Variants in TBC1D12 observed in about 807,000 individuals in gnomAD.
The protein encoded by TBC1D12 is TBC1 domain family, member 12.
A neutral mutation model predicts 86.7 loss-of-function variants in TBC1D12; 56 were observed. The ratio of observed to expected loss-of-function variants is 0.65; its 90% CI spans 0.52 to 0.81. The LOEUF (loss-of-function observed/expected upper bound fraction) is 0.81. Ranked by LOEUF, TBC1D12 falls within the 30% of genes least tolerant of loss-of-function variation. The pLI is 0.00. For synonymous variants in TBC1D12, 421 were observed against 411.7 expected (o/e 1.02, Z -0.27); for missense variants, 1,023 against 1,038.8 (o/e 0.98, Z 0.21).
In TBC1D12 at chr10:94,402,976, G is replaced by A. The variant is rs765842986; in HGVS notation, c.363G>A (p.Glu121=). The A allele has an allele frequency of 6.3e-7, 1 of 1,576,024 alleles. No homozygotes were observed. The highest frequency in any genetic ancestry group is 8.6e-7 in the Non-Finnish European group (1 of 1,165,740). The change falls in exon 1 of 13, where the codon GAG becomes GAA. Residue 121 remains glutamate (E), a synonymous_variant. Transcript: ENST00000225235. ...CGGGCTCCAAACACCGCGGCGCGGA[G>A]GTGGCTGATGGCCGCGCGCCGCGGC... ...LGSGSKHRGA[E]VADGRAPRHE...
intron 2 of TBC1D12, among the ~76,000 whole-genome samples, chr10:94,456,058 C>G (rs1043896654): frequency 6.6e-6 from 1 of 151,872 alleles, no homozygotes; most frequent in African/African-American, 2.4e-5. Flanking sequence ...TAATTTGTGT[C>G]TTTTTTGTTT....
At chr10:94,511,095 C>CTTTT (rs3053917) in intron 8 of TBC1D12, among the ~76,000 whole-genome samples, 37 of 66,804 alleles carry the variant, frequency 5.5e-4, no homozygotes, top group African/African-American at 1.4e-3. Context: ...GTAAATATTT[C>CTTTT]TTTTTTTTTT....
chr10:94,434,584 G>A (rs2055269752), intron 1 of TBC1D12, among the ~76,000 whole-genome samples: 1 of 151,696 alleles, frequency 6.6e-6, no homozygotes, highest in South Asian at 2.1e-4. Context: ...TCCTGACTGG[G>A]ACATTAGGAT....
At chr10:94,487,022 T>A (rs1183212662) in intron 3 of TBC1D12, among the ~76,000 whole-genome samples, 1 of 152,166 alleles carries the variant, frequency 6.6e-6, no homozygotes, top group Non-Finnish European at 1.5e-5. Flanking sequence ...AATTGTTATA[T>A]CCTCTTGCTG....
At chr10:94,486,702 C>G (rs2056167723) in intron 3 of TBC1D12, among the ~76,000 whole-genome samples, 1 of 151,906 alleles carries the variant, frequency 6.6e-6, no homozygotes, top group South Asian at 2.1e-4. Flanking sequence ...TGTTTTAAGA[C>G]TTGGTTTGTT....
At chr10:94,460,147 G>T (rs546685108) in intron 2 of TBC1D12, among the ~76,000 whole-genome samples, 1 of 152,188 alleles carries the variant, frequency 6.6e-6, no homozygotes, top group East Asian at 1.9e-4. Flanking sequence ...CAGGAGAATC[G>T]CTTGAACCTG....
intron 11 of TBC1D12, among the ~76,000 whole-genome samples, chr10:94,527,955 A>G (rs187303343): frequency 1.3e-5 from 2 of 151,582 alleles, no homozygotes; most frequent in Admixed American, 6.6e-5. Flanking sequence ...TGCCAGTACT[A>G]TTCTGTTTGG....
intron 1 of TBC1D12, among the ~76,000 whole-genome samples, chr10:94,433,094 A>G (rs1002055982): frequency 2.6e-5 from 4 of 152,058 alleles, no homozygotes; most frequent in Non-Finnish European, 5.9e-5. Context: ...AGTCCCAGCT[A>G]CTTGGGAGGC....
chr10:94,530,958 C>T (rs1044619429), intron 11 of TBC1D12, among the ~76,000 whole-genome samples: 1 of 147,786 alleles, frequency 6.8e-6, no homozygotes, highest in East Asian at 2.0e-4. Context: ...CTCCTGGGTT[C>T]GAGCGATTCT....
At chr10:94,512,546 GC>G (rs1241679004) in intron 9 of TBC1D12, among the ~76,000 whole-genome samples, 2 of 152,112 alleles carry the variant, frequency 1.3e-5, no homozygotes, top group African/African-American at 4.8e-5. Flanking sequence ...ATTGTTCTAG[GC>G]ACTTGAAATA....
At chr10:94,525,497 G>A (rs35774063) in intron 11 of TBC1D12, among the ~76,000 whole-genome samples, 54,809 of 151,102 alleles carry the variant, frequency 0.36, 10,553 homozygotes, top group East Asian at 0.7. Flanking sequence ...CCAGCCACTC[G>A]GGAGGCTGAG....
At chr10:94,425,175 G>T (rs2055129972) in intron 1 of TBC1D12, among the ~76,000 whole-genome samples, 1 of 152,172 alleles carries the variant, frequency 6.6e-6, no homozygotes, top group South Asian at 2.1e-4. Context: ...TTCATTTCCG[G>T]GGTTAGTAGA....
intron 11 of TBC1D12, among the ~76,000 whole-genome samples, chr10:94,529,726 C>G (rs1329378731): frequency 6.6e-6 from 1 of 151,952 alleles, no homozygotes; most frequent in African/African-American, 2.4e-5. Context: ...TATTATGGGA[C>G]TGAGATCCAA....
At chr10:94,481,045 C>CTTTT (rs769709070) in intron 3 of TBC1D12, among the ~76,000 whole-genome samples, 2 of 126,974 alleles carry the variant, frequency 1.6e-5, no homozygotes, top group African/African-American at 2.9e-5. Context: ...TGAAAGGAAT[C>CTTTT]TTTTTTTTTT....
At chr10:94,493,247 T>C (rs1258184769) in intron 3 of TBC1D12, 118 bp from the exon 4 acceptor site, 1 of 737,484 alleles carries the variant, frequency 1.4e-6, no homozygotes, top group East Asian at 2.6e-5. Context: ...ACTTCCTTAA[T>C]GTATGAAATG....
intron 1 of TBC1D12, among the ~76,000 whole-genome samples, chr10:94,412,073 G>T (rs367676765): frequency 5.3e-5 from 8 of 152,290 alleles, no homozygotes; most frequent in African/African-American, 1.9e-4. Context: ...TAAAAATGCT[G>T]GTTCTAAAGT....
At position 94,403,206 on chromosome 10, in the gene TBC1D12, C is replaced by T; in HGVS notation, c.593C>T (p.Pro198Leu). The T allele has an allele frequency of 6.7e-7, 1 of 1,502,400 alleles. No homozygotes were observed. Among genetic ancestry groups the T allele is most frequent in the East Asian group, 2.9e-5 (1 of 34,676 alleles). 93.1% of individuals were successfully genotyped at this position (1,502,400 alleles called of 1,614,324 possible). ...GATTGGGCCTCTCCGCTTGAGGACCCGCTGCGGAGCTGCTGCCTGGTGGCC... is the reference window on the plus strand; with the variant it reads ...GATTGGGCCTCTCCGCTTGAGGACCTGCTGCGGAGCTGCTGCCTGGTGGCC... ...PSDWASPLED[P>L]LRSCCLVAAD... The change falls in exon 1 of 13, where the codon CCG (proline) becomes CTG (leucine). Residue 198 changes from proline to leucine, a missense_variant. By Grantham distance (98) the Pro-to-Leu change is moderately conservative. This residue lies in a region of TBC1D12 where 628 missense variants were observed against 531.1 expected (regional missense o/e 1.18). Coordinates refer to ENST00000225235, the MANE Select transcript of TBC1D12 (RefSeq NM_015188.2).
rs943182174 is a variant in TBC1D12 at position 94,533,965 on chromosome 10, G to T, written c.*869G>T. ...AATGAATCCTGAGAGTTCTTAAACA[G>T]CATGCTACTTGGCAAGACTTCATAT... On this transcript the variant is annotated 3_prime_UTR_variant, in exon 13 of 13. Coordinates refer to ENST00000225235, the MANE Select transcript of TBC1D12 (RefSeq NM_015188.2). The T allele has an allele frequency of 6.6e-6, 1 of 152,132 alleles. No individual in the cohort carries two copies. The allele number at this position is 152,132 out of a possible 1,614,324, so 9.4% of individuals were successfully genotyped here. A position where few individuals can be genotyped will look rare whatever the true frequency, so the allele number is the denominator to read the frequency against.
At chr10:94,515,595 C>T (rs907135507) in intron 9 of TBC1D12, among the ~76,000 whole-genome samples, 3 of 151,824 alleles carry the variant, frequency 2.0e-5, no homozygotes, top group African/African-American at 2.4e-5. Flanking sequence ...GCGATCCACC[C>T]GCCTCGGCCT....
Sources: allele counts gnomAD v4.1 joint callset (sites outside exome capture counted in the v4.1 genomes callset), GRCh38; gene constraint gnomAD v4.1.1; regional missense constraint gnomAD v4.1.1; transcripts MANE v1.5; gene names NCBI Gene and HGNC (gene_info 2026-07-23, HGNC 2026-07-21).